Variants in MYT1L observed in about 807,000 individuals in gnomAD.
MYT1L encodes myelin transcription factor 1-like protein.
In MYT1L, 12 loss-of-function variants were observed where a neutral mutation model predicts 126.7. That is an observed-to-expected ratio of 0.09 (90% CI 0.06 to 0.15). MYT1L has a LOEUF of 0.15. Ranked by LOEUF, MYT1L falls within the 10% of genes least tolerant of loss-of-function variation. MYT1L has a pLI of 1.00. For missense variants in MYT1L, 979 were observed against 1,585.2 expected, an observed-to-expected ratio of 0.62 and a Z score of 6.49; for synonymous variants, 541 against 604.2, an observed-to-expected ratio of 0.90 and a Z score of 1.53.
At position 1,910,025 on chromosome 2, in the gene MYT1L, G is replaced by A. The variant is rs1398579789; in HGVS notation, c.1817+215C>T. Among the ~76,000 whole-genome samples, 1 of 152,180 alleles carries A rather than the reference G, an allele frequency of 6.6e-6. No individual in the cohort carries two copies. The highest frequency in any genetic ancestry group is 2.4e-5 in the African/African-American group (1 of 41,448). Reference sequence around the variant, plus strand: ...CAATTCTCTCATGTAAATTGTCACAGCGAATCCGCAGACACCAGGGGAAGA... The same window carrying A: ...CAATTCTCTCATGTAAATTGTCACAACGAATCCGCAGACACCAGGGGAAGA... On this transcript the variant is annotated intron_variant, in intron 13 of 24. Coordinates refer to ENST00000647738, the MANE Select transcript of MYT1L (RefSeq NM_001303052.2). This position sits in a 1 kb window ranked among gnomAD's most constrained non-coding sequence, Gnocchi z 4.8.
At chr2:2,283,449 T>C (rs1467538953) in intron 2 of MYT1L, among the ~76,000 whole-genome samples, 1 of 152,046 alleles carries the variant, frequency 6.6e-6, no homozygotes. Context: ...AGTAAGAGAG[T>C]ACAGAGATGA....
chr2:1,936,084 G>A (rs534263901), intron 9 of MYT1L, among the ~76,000 whole-genome samples: 8 of 152,246 alleles, frequency 5.3e-5, no homozygotes, highest in South Asian at 2.1e-4. Context: ...CACCACACCC[G>A]GCTAATTTTT....
At chr2:1,994,796 AG>A (rs1362489283) in intron 5 of MYT1L, among the ~76,000 whole-genome samples, 1 of 152,252 alleles carries the variant, frequency 6.6e-6, no homozygotes, top group African/African-American at 2.4e-5. Flanking sequence ...GTTTTGCCAT[AG>A]AAAAATATTA....
chr2:2,237,107 C>A (rs1405147702), intron 2 of MYT1L, among the ~76,000 whole-genome samples: 3 of 152,114 alleles, frequency 2.0e-5, no homozygotes, highest in Non-Finnish European at 4.4e-5. Flanking sequence ...AGCCACCACG[C>A]CCAACCTGGT....
Position 1,912,158 on chromosome 2 carries a change from C to T in MYT1L, c.1619-48G>A, listed in dbSNP as rs539010061. On this transcript the variant is annotated intron_variant, in intron 11 of 24. Coordinates refer to ENST00000647738, the MANE Select transcript of MYT1L (RefSeq NM_001303052.2). The surrounding 1 kb of genome is among the most constrained non-coding windows in gnomAD (Gnocchi z 4.3). ...AACAGCCAGTGTTAAAACAGAGGCA[C>T]GGTTAGGGCACATGAAAATGCAGTC... 4.3e-5 allele frequency: 57 copies of T among 1,333,814 alleles called. No individual in the cohort carries two copies. The highest frequency in any genetic ancestry group is 2.0e-4 in the East Asian group (8 of 40,488). 82.6% of individuals were successfully genotyped at this position (1,333,814 alleles called of 1,614,324 possible). A position where few individuals can be genotyped will look rare whatever the true frequency, so the allele number is the denominator to read the frequency against.
chr2:2,105,716 T>G (rs1162428754), intron 3 of MYT1L, among the ~76,000 whole-genome samples: 1 of 152,174 alleles, frequency 6.6e-6, no homozygotes, highest in Non-Finnish European at 1.5e-5. Flanking sequence ...TTTTTATATT[T>G]GCAAAATGAA....
intron 11 of MYT1L, among the ~76,000 whole-genome samples, chr2:1,913,204 G>A (rs142818971): frequency 3.4e-3 from 517 of 152,338 alleles, no homozygotes; most frequent in Non-Finnish European, 4.9e-3. Flanking sequence ...TGGTGTTGCT[G>A]TTATCTGAGT....
chr2:1,870,150 T>A (rs1033597214), intron 18 of MYT1L, among the ~76,000 whole-genome samples: 2 of 152,212 alleles, frequency 1.3e-5, no homozygotes, highest in African/African-American at 4.8e-5. Flanking sequence ...ATTTCTGCAT[T>A]GAAACTATTC....
chr2:2,050,171 A>C (rs948398866), intron 4 of MYT1L, among the ~76,000 whole-genome samples: 6 of 152,198 alleles, frequency 3.9e-5, no homozygotes, highest in Admixed American at 1.3e-4. Flanking sequence ...TTACAAAAAA[A>C]AGAACAAATT....
At chr2:2,206,432 C>G (rs1319270208) in intron 2 of MYT1L, among the ~76,000 whole-genome samples, 1 of 152,122 alleles carries the variant, frequency 6.6e-6, no homozygotes, top group Non-Finnish European at 1.5e-5. Flanking sequence ...AGAAAGAAAA[C>G]TTGGGTGTTA....
intron 2 of MYT1L, among the ~76,000 whole-genome samples, chr2:2,233,681 G>A (rs1414257884): frequency 1.3e-5 from 2 of 152,152 alleles, no homozygotes; most frequent in South Asian, 2.1e-4. Flanking sequence ...CAGCCATATC[G>A]GCACCATTGT....
At chr2:2,004,019 ATGCC>A (rs1431761537) in intron 4 of MYT1L, among the ~76,000 whole-genome samples, 10 of 148,210 alleles carry the variant, frequency 6.7e-5, no homozygotes, top group Admixed American at 1.3e-4. Context: ...TCTTTCCTGC[ATGCC>A]TTCTTTCCTG....
At chr2:1,951,971 C>T (rs2057793228) in intron 8 of MYT1L, among the ~76,000 whole-genome samples, 1 of 152,214 alleles carries the variant, frequency 6.6e-6, no homozygotes, top group South Asian at 2.1e-4. Context: ...AACGTATATA[C>T]TAATAAAACC....
At chr2:1,925,451 T>C (rs955530275) in intron 9 of MYT1L, among the ~76,000 whole-genome samples, 3 of 152,224 alleles carry the variant, frequency 2.0e-5, no homozygotes, top group South Asian at 2.1e-4. Context: ...CTTCAGTTTG[T>C]TCCCCCCTAC....
chr2:1,883,334 A>G (rs944736065), intron 18 of MYT1L, among the ~76,000 whole-genome samples: 5 of 152,222 alleles, frequency 3.3e-5, no homozygotes, highest in Non-Finnish European at 7.3e-5. Context: ...CAACAACGGC[A>G]CACATATCTG....
rs1199659608 is a variant in MYT1L at position 1,912,532 on chromosome 2, C to A, written c.1619-422G>T. On this transcript the variant is annotated intron_variant, in intron 11 of 24. Transcript: ENST00000647738. This position sits in a 1 kb window ranked among gnomAD's most constrained non-coding sequence, Gnocchi z 4.3. ...CATGGAGTATTGATTAGCCATAGAA[C>A]AACACAGAGGCTGGGGATTTTAAAA... Among the ~76,000 whole-genome samples, 1 of 152,140 alleles carries A rather than the reference C, an allele frequency of 6.6e-6. No individual in the cohort carries two copies. The highest frequency in any genetic ancestry group is 1.5e-5 in the Non-Finnish European group (1 of 68,020).
chr2:1,792,035 TACA>T, intron 24 of MYT1L, 28 bp from the exon 25 acceptor site: 2 of 1,487,780 alleles, frequency 1.3e-6, no homozygotes, highest in African/African-American at 2.8e-5. Flanking sequence ...GTAGTTCATA[TACA>T]ACTTTTATTT....
In MYT1L at chr2:2,271,082, C is replaced by T. The variant is rs574755641; in HGVS notation, c.-421+13322G>A. ...GTCTGTGTGTGTACACATGTGTTTA[C>T]GGATTCTCACCATGAATCACGTCTG... is the stretch of plus-strand genomic sequence containing the variant. On this transcript the variant is annotated intron_variant, in intron 2 of 24. Coordinates refer to ENST00000647738, the MANE Select transcript of MYT1L (RefSeq NM_001303052.2). 2.3e-3 allele frequency among the ~76,000 whole-genome samples: 347 copies of T among 152,286 alleles called. 3 individuals are homozygous for T. The highest frequency in any genetic ancestry group is 7.9e-3 in the African/African-American group (327 of 41,550).
In MYT1L at chr2:1,910,485, C is replaced by A. The variant is rs953193840; in HGVS notation, c.1710-138G>T. On this transcript the variant is annotated intron_variant, in intron 12 of 24. Transcript: ENST00000647738. This position sits in a 1 kb window ranked among gnomAD's most constrained non-coding sequence, Gnocchi z 4.8. ...GTTTCCCAAACCTGGCACAGGCAGT[C>A]CTGATGGGTGGACTGGGAGAGGGGG... 1.0e-5 allele frequency: 7 copies of A among 700,162 alleles called. No individual in the cohort carries two copies. Among genetic ancestry groups the A allele is most frequent in the Admixed American group, 6.6e-5 (3 of 45,524 alleles). The allele number at this position is 700,162 out of a possible 1,614,324, so 43.4% of individuals were successfully genotyped here.
Sources: gnomAD v4.1 joint callset for allele counts (sites outside exome capture counted in the v4.1 genomes callset) on GRCh38, gnomAD v4.1.1 for gene constraint, Gnocchi (gnomAD v3.1) non-coding constraint, MANE v1.5 for transcripts, NCBI Gene and HGNC (gene_info 2026-07-23, HGNC 2026-07-21) for gene names.